ZCWPW2: variants seen among roughly 807,000 people sequenced by gnomAD.
ZCWPW2 encodes the protein zinc finger CW-type and PWWP domain containing 2, also known as zinc finger CW-type PWWP domain protein 2.
A neutral mutation model predicts 46.6 loss-of-function variants in ZCWPW2; 45 were observed. The observed-to-expected ratio is 0.96, with a 90% confidence interval of 0.76 to 1.24. The LOEUF (loss-of-function observed/expected upper bound fraction) is 1.24, where lower values mean the gene tolerates loss of function less well. ZCWPW2 is among the 50% of genes most tolerant of loss of function. The probability of loss-of-function intolerance (pLI) is 0.00; values close to 1 mark genes in which losing one functional copy is unlikely to be tolerated. For missense variants in ZCWPW2, 429 were observed against 403.9 expected (o/e 1.06, Z -0.53); for synonymous variants, 152 against 137.1 (o/e 1.11, Z -0.76).
intron 2 of ZCWPW2, among the ~76,000 whole-genome samples, chr3:28,408,138 C>T (rs1389880723): frequency 1.3e-5 from 2 of 152,174 alleles, no homozygotes; most frequent in African/African-American, 4.8e-5. Context: ...GTAATAATGA[C>T]ATTTTCTTAG....
At chr3:28,444,648 C>A (rs1445062267) in intron 4 of ZCWPW2, among the ~76,000 whole-genome samples, 4 of 152,136 alleles carry the variant, frequency 2.6e-5, no homozygotes, top group African/African-American at 9.7e-5. Flanking sequence ...ATGATAAGAG[C>A]TTTCCACAAT....
intron 2 of ZCWPW2, among the ~76,000 whole-genome samples, chr3:28,395,344 A>G (rs1337003667): frequency 1.3e-5 from 2 of 152,274 alleles, no homozygotes; most frequent in East Asian, 3.9e-4. Flanking sequence ...GGAAAACAGT[A>G]TGGAGTTTCC....
At chr3:28,357,797 T>TTATA (rs3068920) in intron 1 of ZCWPW2, among the ~76,000 whole-genome samples, 2,182 of 140,356 alleles carry the variant, frequency 0.016, 59 homozygotes, top group African/African-American at 0.051. Flanking sequence ...TTGGTATATT[T>TTATA]TATATATATA....
chr3:28,448,784 C>CAAAAAAAAAAAAAAA (rs576935771), intron 4 of ZCWPW2, among the ~76,000 whole-genome samples: 2 of 65,356 alleles, frequency 3.1e-5, no homozygotes, highest in Admixed American at 2.0e-4. Flanking sequence ...GACTCTGTCT[C>CAAAAAAAAAAAAAAA]AAAAAAAAAA....
chr3:28,357,162 AGAC>A (rs1478039670), intron 1 of ZCWPW2, among the ~76,000 whole-genome samples: 1 of 152,188 alleles, frequency 6.6e-6, no homozygotes, highest in Non-Finnish European at 1.5e-5. Context: ...AAAACCAGGA[AGAC>A]AAAGCAATTA....
At chr3:28,413,032 AT>A in intron 2 of ZCWPW2, 23 bp from the exon 3 acceptor site, 1 of 1,552,466 alleles carries the variant, frequency 6.4e-7, no homozygotes, top group Non-Finnish European at 8.7e-7. Context: ...TCATTCTGTT[AT>A]TTTCCTCTTT....
intron 3 of ZCWPW2, among the ~76,000 whole-genome samples, chr3:28,431,914 T>A (rs1181511554): frequency 6.6e-6 from 1 of 152,018 alleles, no homozygotes; most frequent in Non-Finnish European, 1.5e-5. Context: ...AGAATCATGG[T>A]GGAAGGGGAA....
At chr3:28,485,819 A>G (rs1448165991) in intron 5 of ZCWPW2, among the ~76,000 whole-genome samples, 1 of 151,794 alleles carries the variant, frequency 6.6e-6, no homozygotes, top group Non-Finnish European at 1.5e-5. Flanking sequence ...TAGTTGTCAT[A>G]TTTGTTATTA....
chr3:28,417,580 C>A (rs1696652560), intron 3 of ZCWPW2, among the ~76,000 whole-genome samples: 1 of 149,978 alleles, frequency 6.7e-6, no homozygotes, highest in Admixed American at 6.7e-5. Flanking sequence ...AATTTTAGAC[C>A]AATATCCTTG....
rs146620106 is a variant in ZCWPW2 at position 28,482,258 on chromosome 3, C to G, written c.610+3327C>G. Among the ~76,000 whole-genome samples, 376 of 152,272 alleles carry G rather than the reference C, an allele frequency of 2.5e-3. 1 individual carries two copies. Among genetic ancestry groups the G allele is most frequent in the African/African-American group, 8.3e-3 (343 of 41,564 alleles). ...GGTTAGAATCATATGATATGTCACCCTTTCAGATTGGTTTCTTTCTCTTAG... is the reference window on the plus strand; with the variant it reads ...GGTTAGAATCATATGATATGTCACCGTTTCAGATTGGTTTCTTTCTCTTAG... On this transcript the variant is annotated intron_variant, in intron 5 of 9. Coordinates refer to ENST00000383768, the MANE Select transcript of ZCWPW2 (RefSeq NM_001040432.4).
chr3:28,349,686 G>A (rs188193492), intron 1 of ZCWPW2, among the ~76,000 whole-genome samples: 7 of 152,284 alleles, frequency 4.6e-5, no homozygotes, highest in Admixed American at 4.6e-4. Flanking sequence ...GTCGCAGCCA[G>A]GTGGAACCCC....
chr3:28,448,563 A>T (rs7649677), intron 4 of ZCWPW2, among the ~76,000 whole-genome samples: 3,969 of 151,862 alleles, frequency 0.026, 149 homozygotes, highest in African/African-American at 0.085. Context: ...GGAGGATGTA[A>T]CACTTGGGGC....
At chr3:28,479,204 A>G (rs1409216972) in intron 5 of ZCWPW2, among the ~76,000 whole-genome samples, 1 of 152,224 alleles carries the variant, frequency 6.6e-6, no homozygotes, top group East Asian at 1.9e-4. Flanking sequence ...TAGACTGTCT[A>G]CATAGATGCC....
intron 2 of ZCWPW2, among the ~76,000 whole-genome samples, chr3:28,399,983 G>A (rs934259582): frequency 2.6e-5 from 4 of 152,066 alleles, no homozygotes; most frequent in African/African-American, 4.8e-5. Flanking sequence ...AAGCTAATCA[G>A]GGAGTCACCA....
chr3:28,448,720 G>T (rs545035925), intron 4 of ZCWPW2, among the ~76,000 whole-genome samples: 1 of 140,538 alleles, frequency 7.1e-6, no homozygotes, highest in East Asian at 2.2e-4. Context: ...AGGAGGCAGA[G>T]GTTGCAGTGA....
chr3:28,369,034 A>G (rs1705219830), intron 1 of ZCWPW2, among the ~76,000 whole-genome samples: 1 of 151,746 alleles, frequency 6.6e-6, no homozygotes, highest in South Asian at 2.1e-4. Flanking sequence ...ACTTCTCTGC[A>G]TTGGTTATTC....
chr3:28,444,400 C>T (rs1457989807), intron 4 of ZCWPW2, among the ~76,000 whole-genome samples: 1 of 152,112 alleles, frequency 6.6e-6, no homozygotes. Context: ...TTGTCTCAGG[C>T]AGTGTAGGGT....
intron 7 of ZCWPW2, among the ~76,000 whole-genome samples, chr3:28,514,759 C>A (rs1700518746): frequency 6.6e-6 from 1 of 152,008 alleles, no homozygotes; most frequent in East Asian, 1.9e-4. Context: ...TTAATGTAAA[C>A]CAGAAACAGG....
At chr3:28,445,423 G>A (rs1367075279) in intron 4 of ZCWPW2, among the ~76,000 whole-genome samples, 1 of 152,066 alleles carries the variant, frequency 6.6e-6, no homozygotes, top group Admixed American at 6.6e-5. Flanking sequence ...GGGTGGGGAT[G>A]AAGCTGTTAA....
Sources: allele counts gnomAD v4.1 joint callset (sites outside exome capture counted in the v4.1 genomes callset), GRCh38; gene constraint gnomAD v4.1.1; transcripts MANE v1.5; gene names NCBI Gene and HGNC (gene_info 2026-07-23, HGNC 2026-07-21).